The following RECK variants were observed in gnomAD, a reference collection of about 807,000 sequenced individuals.
The protein encoded by RECK is reversion-inducing cysteine-rich protein with Kazal motifs.
Under a neutral mutation model 115.1 loss-of-function variants are expected in RECK, and 69 were observed. The ratio of observed to expected loss-of-function variants is 0.60; its 90% confidence interval spans 0.49 to 0.73. The LOEUF is 0.73. Among genes scored for constraint, RECK ranks in the 30% least tolerant of loss-of-function variants. The pLI is 0.00. For missense variants in RECK, 1,047 were observed against 1,203.7 expected (o/e 0.87, Z 1.93); for synonymous variants, 414 against 419.7 (o/e 0.99, Z 0.17).
rs150265796 is a variant in RECK at position 36,118,830 on chromosome 9, C to T, written c.2327C>T (p.Ser776Leu). The T allele has an allele frequency of 3.0e-5, 49 of 1,614,134 alleles. No individual in the cohort carries two copies. Among genetic ancestry groups the T allele is most frequent in the East Asian group, 4.5e-5 (2 of 44,884 alleles). ...TACAGCAGTGTGTGTGCTGCCTACT[C>T]GGATCGCGTGGCAGTCGATTACTAT... ...ETYSSVCAAY[S>L]DRVAVDYYGD... The change falls in exon 18 of 21, where the codon TCG (serine) becomes TTG (leucine). Residue 776 changes from serine (S) to leucine (L), a missense_variant. By Grantham distance (145) the Ser-to-Leu change is moderately radical. Transcript: ENST00000377966.
intron 1 of RECK, among the ~76,000 whole-genome samples, chr9:36,051,572 A>G (rs1248849138): frequency 2.6e-5 from 4 of 151,326 alleles, no homozygotes; most frequent in African/African-American, 4.9e-5. Context: ...GCATGACACT[A>G]CTCCTCCTGT....
At chr9:36,043,110 C>T (rs182384000) in intron 1 of RECK, among the ~76,000 whole-genome samples, 3 of 143,796 alleles carry the variant, frequency 2.1e-5, no homozygotes, top group Admixed American at 7.1e-5. Flanking sequence ...CTGCAAGCTC[C>T]GCCTCCCGGG....
chr9:36,097,967 TA>T (rs1823417505), intron 10 of RECK, among the ~76,000 whole-genome samples: 1 of 152,020 alleles, frequency 6.6e-6, no homozygotes. Context: ...ATGTGGAATC[TA>T]AAAAAATCAA....
chr9:36,107,929 T>A, intron 13 of RECK, 47 bp from the exon 14 acceptor site: 1 of 1,340,890 alleles, frequency 7.5e-7, no homozygotes, highest in Non-Finnish European at 1.0e-6. Context: ...TATAAAACAA[T>A]GTCATAGAAC....
At chr9:36,086,403 T>C (rs947600101) in intron 8 of RECK, among the ~76,000 whole-genome samples, 3 of 152,074 alleles carry the variant, frequency 2.0e-5, no homozygotes, top group Non-Finnish European at 4.4e-5. Context: ...GAGTTGTTTG[T>C]TCCTCCCAGT....
At chr9:36,118,732 C>A in intron 17 of RECK, 25 bp from the exon 18 acceptor site, 1 of 1,605,700 alleles carries the variant, frequency 6.2e-7, no homozygotes, top group South Asian at 1.1e-5. Flanking sequence ...CATTTCCAGG[C>A]TAAATGTGAT....
chr9:36,112,361 A>C lies in RECK; in HGVS notation c.1945A>C (p.Thr649Pro). The C allele has an allele frequency of 3.1e-6, 5 of 1,613,820 alleles. No individual in the cohort carries two copies. Among genetic ancestry groups the C allele is most frequent in the Non-Finnish European group, 4.2e-6 (5 of 1,180,012 alleles). Residue 649 changes from threonine to proline, a missense_variant, in exon 16 of 21, where the codon ACT (threonine) becomes CCT (proline). Thr to Pro is a conservative substitution (Grantham distance 38). Transcript: ENST00000377966. Reference sequence around the variant, plus strand: ...CCCTGTATGTGGGCAGAATGGGCGCACTTACCCCAGTGCCTGCATTGCTCG... The same window carrying C: ...CCCTGTATGTGGGCAGAATGGGCGCCCTTACCCCAGTGCCTGCATTGCTCG... ...FVPVCGQNGRTYPSACIARCV... is the reference protein window; with the variant it reads ...FVPVCGQNGRPYPSACIARCV...
At chr9:36,090,634 TAGTACATAGAGG>T (rs1823123076) in intron 9 of RECK, among the ~76,000 whole-genome samples, 3 of 152,202 alleles carry the variant, frequency 2.0e-5, no homozygotes, top group Non-Finnish European at 4.4e-5. Flanking sequence ...TGTATTACAA[TAGTACATAGAGG>T]CTTTGGAATA....
At chr9:36,101,047 A>G (rs1308098085) in intron 11 of RECK, among the ~76,000 whole-genome samples, 3 of 151,344 alleles carry the variant, frequency 2.0e-5, no homozygotes, top group Non-Finnish European at 4.4e-5. Context: ...GCTCACTGCA[A>G]CCTCCACCTC....
Position 36,117,065 on chromosome 9 carries a change from T to C in RECK, c.2141T>C (p.Leu714Pro). 6.2e-7 allele frequency: 1 copy of C among 1,614,112 alleles called. No individual in the cohort carries two copies. The highest frequency in any genetic ancestry group is 2.2e-5 in the East Asian group (1 of 44,888). ...CAGTATGAGTGTGTACCAAGACAGC[T>C]CGCGTGTGACCAGGTCCAAGATCCT... ...CSQYECVPRQLACDQVQDPVC... is the reference protein window; with the variant it reads ...CSQYECVPRQPACDQVQDPVC... Residue 714 changes from leucine (L) to proline (P), a missense_variant, in exon 17 of 21, where the codon CTC becomes CCC. By Grantham distance (98) the Leu-to-Pro change is moderately conservative. Coordinates refer to ENST00000377966, the MANE Select transcript of RECK (RefSeq NM_021111.3).
Position 36,100,314 on chromosome 9 carries a change from GCC to G in RECK, c.1086-16_1086-15del. ...AATAATTGCCTCTTGATTCTTTCTG[GCC>G]TTTTTTCTCTTTAGGCCAACAGAAC... On this transcript the variant is annotated splice_polypyrimidine_tract_variant and intron_variant, in intron 10 of 20. Transcript: ENST00000377966. The G allele has an allele frequency of 6.2e-7, 1 of 1,602,102 alleles. No homozygotes were observed. The highest frequency in any genetic ancestry group is 1.1e-5 in the South Asian group (1 of 90,192).
chr9:36,056,883 C>T, intron 2 of RECK: 1 of 676,270 alleles, frequency 1.5e-6, no homozygotes, highest in Non-Finnish European at 1.8e-6. Context: ...TAGTGATATT[C>T]TATCTCTTTT....
chr9:36,089,608 C>T (rs1355989462), intron 9 of RECK, among the ~76,000 whole-genome samples: 2 of 152,128 alleles, frequency 1.3e-5, no homozygotes, highest in Admixed American at 1.3e-4. Context: ...TGATGGGTCA[C>T]AGTCAAAATG....
chr9:36,065,228 T>TAAAAAAAAAAAAAAAAAAAAA (rs561725701), intron 5 of RECK, among the ~76,000 whole-genome samples: 3 of 50,542 alleles, frequency 5.9e-5, no homozygotes, highest in Non-Finnish European at 1.2e-4. Flanking sequence ...GGAATTCAGC[T>TAAAAAAAAAAAAAAAAAAAAA]AAAAAAAAAA....
intron 10 of RECK, 123 bp downstream of exon 10, chr9:36,091,466 C>A: frequency 1.3e-6 from 1 of 776,150 alleles, no homozygotes; most frequent in Non-Finnish European, 1.9e-6. Context: ...ATGATTTAAT[C>A]TTTAAATGCA....
At chr9:36,073,221 G>GACACACACACACAC (rs1320843934) in intron 6 of RECK, among the ~76,000 whole-genome samples, 5 of 134,250 alleles carry the variant, frequency 3.7e-5, no homozygotes, top group East Asian at 4.6e-4. Context: ...GCAACACACA[G>GACACACACACACAC]ACACACACAG....
At chr9:36,059,533 TAAC>T (rs919513253) in intron 3 of RECK, among the ~76,000 whole-genome samples, 7 of 152,234 alleles carry the variant, frequency 4.6e-5, no homozygotes, top group African/African-American at 1.7e-4. Flanking sequence ...AAAACTATAA[TAAC>T]TAAATCTGTT....
intron 19 of RECK, among the ~76,000 whole-genome samples, 188 bp downstream of exon 19, chr9:36,120,924 G>C (rs1383298166): frequency 6.6e-6 from 1 of 152,182 alleles, no homozygotes; most frequent in African/African-American, 2.4e-5. Context: ...TGACTCCCAA[G>C]CCCATGTTCC....
intron 6 of RECK, among the ~76,000 whole-genome samples, chr9:36,078,198 A>G (rs986148017): frequency 1.3e-5 from 2 of 152,232 alleles, no homozygotes; most frequent in Non-Finnish European, 2.9e-5. Flanking sequence ...AGTAAAAGCT[A>G]TTGTCCATAA....
Sources: allele counts gnomAD v4.1 joint callset (sites outside exome capture counted in the v4.1 genomes callset), GRCh38; gene constraint gnomAD v4.1.1; transcripts MANE v1.5; gene names NCBI Gene and HGNC (gene_info 2026-07-23, HGNC 2026-07-21).